Variants in CSMD1 observed in about 807,000 individuals in gnomAD.
CSMD1 encodes CUB and sushi domain-containing protein 1.
CSMD1 carries 213 observed loss-of-function variants against 417.5 expected under a neutral mutation model. The ratio of observed to expected loss-of-function variants is 0.51; its 90% CI spans 0.46 to 0.57. The LOEUF (loss-of-function observed/expected upper bound fraction) is 0.57. Among genes scored for constraint, CSMD1 ranks in the 20% least tolerant of loss-of-function variants. The pLI, the probability that CSMD1 is intolerant of heterozygous loss-of-function variation, is 0.00. For missense variants in CSMD1, 6,923 were observed against 4,529.7 expected (o/e 1.53, Z -15.17); for synonymous variants, 2,862 against 1,736.8 (o/e 1.65, Z -16.11).
chr8:4,412,098 C>T (rs1189521507), intron 3 of CSMD1, among the ~76,000 whole-genome samples: 5 of 149,084 alleles, frequency 3.4e-5, no homozygotes, highest in Non-Finnish European at 5.9e-5. Flanking sequence ...AGAGTGCGTG[C>T]GTGTGTGTGC....
At chr8:3,812,707 G>A (rs368581856) in intron 5 of CSMD1, among the ~76,000 whole-genome samples, 3 of 152,178 alleles carry the variant, frequency 2.0e-5, no homozygotes, top group African/African-American at 4.8e-5. Context: ...TGAGCTGTTT[G>A]TTTCCTCAGT....
At position 3,917,883 on chromosome 8, in the gene CSMD1, T is replaced by G. The variant is rs2129142509; in HGVS notation, c.818+80020A>C. The stretch of plus-strand genomic sequence containing the variant: ...AAATTTTAGGCCTTTAAAATTTTAC[T>G]TAAATTTTAAATGAAAATTTAAAGT... On this transcript the variant is annotated intron_variant, in intron 5 of 69. Transcript: ENST00000635120. 2.6e-5 allele frequency among the ~76,000 whole-genome samples: 4 copies of G among 152,270 alleles called. No homozygotes were observed. The East Asian group carries it at 7.7e-4, about 29-fold the overall frequency.
At chr8:4,945,273 G>A (rs574796649) in intron 1 of CSMD1, among the ~76,000 whole-genome samples, 2 of 152,252 alleles carry the variant, frequency 1.3e-5, no homozygotes, top group East Asian at 3.9e-4. Flanking sequence ...ACTGTTGAAT[G>A]GGAACAGAGT....
chr8:3,171,772 T>C (rs903086727), intron 37 of CSMD1, among the ~76,000 whole-genome samples: 1 of 152,212 alleles, frequency 6.6e-6, no homozygotes, highest in African/African-American at 2.4e-5. Flanking sequence ...TACTTCTATA[T>C]CTAGCTCTCT....
chr8:3,647,274 G>A (rs1190420814), intron 7 of CSMD1, among the ~76,000 whole-genome samples: 1 of 152,214 alleles, frequency 6.6e-6, no homozygotes, highest in Non-Finnish European at 1.5e-5. Flanking sequence ...GGAGACCAGG[G>A]TGGCAGAACC....
In CSMD1 at chr8:3,399,011, G is replaced by C. The variant is rs372595473; in HGVS notation, c.2405+380C>G. 1.4e-4 allele frequency among the ~76,000 whole-genome samples: 22 copies of C among 152,258 alleles called. No individual in the cohort carries two copies. In the South Asian group the frequency reaches 3.9e-3, roughly 27 times the overall value. On this transcript the variant is annotated intron_variant, in intron 16 of 69. Transcript: ENST00000635120. The stretch of plus-strand genomic sequence containing the variant: ...ACCAGCAGCCACCACCAGAACAGGA[G>C]AGCTGATTTCCTCTACCACAGAAGA...
intron 3 of CSMD1, among the ~76,000 whole-genome samples, chr8:4,095,114 G>A (rs1330260499): frequency 1.3e-5 from 2 of 152,148 alleles, no homozygotes; most frequent in Non-Finnish European, 2.9e-5. Context: ...TGACGTGACG[G>A]ATATGGAAAG....
At chr8:2,990,756 C>T (rs1423777606) in intron 54 of CSMD1, among the ~76,000 whole-genome samples, 1 of 152,112 alleles carries the variant, frequency 6.6e-6, no homozygotes, top group South Asian at 2.1e-4. Context: ...CCTGGAAGAG[C>T]GAGAAGCGAT....
At chr8:3,309,137 G>C (rs77366668) in intron 23 of CSMD1, among the ~76,000 whole-genome samples, 2,848 of 152,200 alleles carry the variant, frequency 0.019, 87 homozygotes, top group African/African-American at 0.064. Flanking sequence ...CTAGGAACGG[G>C]ATACTCTGCT....
At chr8:4,045,013 A>G (rs1225583083) in intron 3 of CSMD1, among the ~76,000 whole-genome samples, 1 of 152,216 alleles carries the variant, frequency 6.6e-6, no homozygotes, top group Non-Finnish European at 1.5e-5. Context: ...TTACAATGTT[A>G]TGCCTGAATC....
chr8:3,214,696 G>C lies in CSMD1; in HGVS notation c.4673-5C>G. 1 of 1,547,410 alleles carries C rather than the reference G, an allele frequency of 6.5e-7. No homozygotes were observed. The highest frequency in any genetic ancestry group is 1.2e-5 in the South Asian group (1 of 83,392). ...AACAAGCTTCCCGTGGTTTCTCTGT[G>C]GAAGAAATGAATGTAAACTGCATGA... On this transcript the variant is annotated splice_polypyrimidine_tract_variant and splice_region_variant and intron_variant, in intron 29 of 69. Transcript: ENST00000635120.
intron 10 of CSMD1, among the ~76,000 whole-genome samples, chr8:3,543,353 T>A (rs1051623758): frequency 6.6e-6 from 1 of 152,192 alleles, no homozygotes; most frequent in Admixed American, 6.5e-5. Context: ...TTGAGCAAAC[T>A]AGAGATATAA....
At chr8:3,806,112 T>C (rs764222252) in intron 5 of CSMD1, among the ~76,000 whole-genome samples, 4 of 152,178 alleles carry the variant, frequency 2.6e-5, no homozygotes, top group Non-Finnish European at 5.9e-5. Flanking sequence ...CTTTTAGTTG[T>C]AGTATTTATG....
intron 1 of CSMD1, among the ~76,000 whole-genome samples, chr8:4,991,642 G>A (rs956042998): frequency 1.2e-4 from 18 of 152,110 alleles, no homozygotes; most frequent in African/African-American, 4.1e-4. Flanking sequence ...AAGCGCCTCC[G>A]GTGGGCCCTG....
intron 10 of CSMD1, among the ~76,000 whole-genome samples, chr8:3,510,816 A>G (rs1797033318): frequency 6.6e-6 from 1 of 151,862 alleles, no homozygotes; most frequent in South Asian, 2.1e-4. Context: ...TCTTTTGAGA[A>G]GTATCTGTTC....
At chr8:4,768,448 AATGC>A (rs1267589749) in intron 1 of CSMD1, among the ~76,000 whole-genome samples, 1 of 152,204 alleles carries the variant, frequency 6.6e-6, no homozygotes, top group Non-Finnish European at 1.5e-5. Flanking sequence ...GGGAAACAAA[AATGC>A]ATTATTTGCA....
intron 5 of CSMD1, among the ~76,000 whole-genome samples, chr8:3,780,343 G>T (rs761987759): frequency 6.6e-6 from 1 of 152,182 alleles, no homozygotes; most frequent in Non-Finnish European, 1.5e-5. Flanking sequence ...CGTTAGAATA[G>T]AATTTGGAAG....
intron 2 of CSMD1, among the ~76,000 whole-genome samples, chr8:4,480,710 A>T (rs1195714928): frequency 6.6e-6 from 1 of 152,192 alleles, no homozygotes; most frequent in Non-Finnish European, 1.5e-5. Flanking sequence ...CTTTCTGACA[A>T]CCACCTGGTA....
chr8:3,267,723 G>T (rs1357291357), intron 26 of CSMD1, among the ~76,000 whole-genome samples: 1 of 152,164 alleles, frequency 6.6e-6, no homozygotes, highest in Non-Finnish European at 1.5e-5. Context: ...GATGTTTTGG[G>T]TTACCCGGTG....
Sources: allele counts gnomAD v4.1 joint callset (sites outside exome capture counted in the v4.1 genomes callset), GRCh38; gene constraint gnomAD v4.1.1; transcripts MANE v1.5; gene names NCBI Gene and HGNC (gene_info 2026-07-23, HGNC 2026-07-21).